TAF1B: variants seen among roughly 807,000 people sequenced by gnomAD.
TAF1B encodes TATA box-binding protein-associated factor RNA polymerase I subunit B.
In TAF1B, 61 loss-of-function variants were observed where a neutral mutation model predicts 83.9. The observed-to-expected ratio is 0.73, with a 90% CI of 0.59 to 0.90. The LOEUF (loss-of-function observed/expected upper bound fraction) is 0.90, where lower values mean the gene tolerates loss of function less well. Ranked by LOEUF, TAF1B falls within the 40% of genes least tolerant of loss-of-function variation. The probability of loss-of-function intolerance (pLI) is 0.00; values close to 1 mark genes in which losing one functional copy is unlikely to be tolerated. For synonymous variants in TAF1B, 221 were observed against 224.6 expected, an observed-to-expected ratio of 0.98 and a Z score of 0.14; for missense variants, 625 against 677.0, an observed-to-expected ratio of 0.92 and a Z score of 0.85.
chr2:9,879,370 T>A (rs1572242610), intron 7 of TAF1B, among the ~76,000 whole-genome samples: 1 of 152,176 alleles, frequency 6.6e-6, no homozygotes, highest in Non-Finnish European at 1.5e-5. Context: ...TGGGTGGCGC[T>A]ACAGCTTGGC....
intron 7 of TAF1B, among the ~76,000 whole-genome samples, chr2:9,881,680 T>C (rs1220580652): frequency 6.6e-6 from 1 of 152,228 alleles, no homozygotes; most frequent in Non-Finnish European, 1.5e-5. Flanking sequence ...CACTGCTGTT[T>C]CCCTGCAGTC....
intron 12 of TAF1B, among the ~76,000 whole-genome samples, chr2:9,916,255 CAA>C (rs1017693828): frequency 1.9e-4 from 29 of 152,248 alleles, no homozygotes; most frequent in Admixed American, 9.2e-4. Flanking sequence ...TGCAGACAGA[CAA>C]GAGAGAAATA....
At chr2:9,850,995 C>T (rs1663369634) in intron 3 of TAF1B, among the ~76,000 whole-genome samples, 1 of 152,194 alleles carries the variant, frequency 6.6e-6, no homozygotes, top group Admixed American at 6.5e-5. Context: ...AATGTTCTTA[C>T]TGCCCTTTTC....
intron 7 of TAF1B, among the ~76,000 whole-genome samples, chr2:9,877,917 G>T (rs1255255071): frequency 6.6e-6 from 1 of 151,568 alleles, no homozygotes; most frequent in African/African-American, 2.4e-5. Flanking sequence ...ATTAAATCTA[G>T]TTAGCTAGGG....
chr2:9,933,603 G>A (rs1322652146), intron 14 of TAF1B, among the ~76,000 whole-genome samples, 180 bp from the exon 15 acceptor site: 1 of 152,134 alleles, frequency 6.6e-6, no homozygotes, highest in Non-Finnish European at 1.5e-5. Context: ...GTGTGAACAT[G>A]TTTTCCTTTG....
intron 6 of TAF1B, among the ~76,000 whole-genome samples, chr2:9,874,147 C>T (rs928204025): frequency 8.5e-5 from 13 of 152,140 alleles, no homozygotes; most frequent in Non-Finnish European, 1.6e-4. Context: ...GCTGGGGAGG[C>T]CTCACAATCT....
intron 6 of TAF1B, chr2:9,868,787 A>G: frequency 2.2e-6 from 1 of 450,544 alleles, no homozygotes; most frequent in Non-Finnish European, 4.5e-6. Flanking sequence ...ATATAGTAAA[A>G]TAGACAAAGA....
At chr2:9,845,441 C>A in intron 2 of TAF1B, 123 bp downstream of exon 2, 1 of 694,258 alleles carries the variant, frequency 1.4e-6, no homozygotes, top group Non-Finnish European at 2.5e-6. Flanking sequence ...GCCAACATTC[C>A]AAGGATGCAT....
intron 12 of TAF1B, among the ~76,000 whole-genome samples, chr2:9,918,026 C>G (rs1665738068): frequency 6.6e-6 from 1 of 151,048 alleles, no homozygotes; most frequent in Admixed American, 6.6e-5. Flanking sequence ...GAGCCGAGAT[C>G]CCACCACTGC....
At position 9,919,606 on chromosome 2, in the gene TAF1B, G is replaced by A; in HGVS notation, c.1351G>A (p.Val451Met). 6.2e-7 allele frequency: 1 copy of A among 1,613,486 alleles called. No individual in the cohort carries two copies. The highest frequency in any genetic ancestry group is 8.5e-7 in the Non-Finnish European group (1 of 1,179,652). The change falls in exon 14 of 15, where the codon GTG (valine) becomes ATG (methionine). Residue 451 changes from valine to methionine, a missense_variant. Transcript: ENST00000263663. ...TTTTTCTCCGGTTCCAGAAATGGTG[G>A]TGAATCTACAGAAACAATTTAGCAC... ...PVAYKKREMV[V>M]NLQKQFSTLV...
intron 5 of TAF1B, among the ~76,000 whole-genome samples, chr2:9,859,537 C>G (rs1663683522): frequency 6.6e-6 from 1 of 152,048 alleles, no homozygotes; most frequent in South Asian, 2.1e-4. Flanking sequence ...TAGATGCATG[C>G]CACCATGCCC....
chr2:9,908,028 C>CTTTTTTTTTTTTTTTTTT (rs57261740), intron 9 of TAF1B, among the ~76,000 whole-genome samples: 1 of 71,754 alleles, frequency 1.4e-5, no homozygotes, highest in Admixed American at 1.9e-4. Flanking sequence ...GATCTTAATT[C>CTTTTTTTTTTTTTTTTTT]TTTTTTTTTT....
intron 3 of TAF1B, among the ~76,000 whole-genome samples, chr2:9,850,025 ATATG>A (rs771191326): frequency 1.8e-3 from 218 of 118,996 alleles, no homozygotes; most frequent in African/African-American, 2.4e-3. Context: ...ATATATATAT[ATATG>A]TGTGTGTGTG....
At chr2:9,862,194 G>GA (rs936464151) in intron 5 of TAF1B, among the ~76,000 whole-genome samples, 37 of 150,970 alleles carry the variant, frequency 2.5e-4, no homozygotes, top group Middle Eastern at 3.4e-3. Context: ...TAAAAACCTT[G>GA]AAAAAAAAAT....
intron 2 of TAF1B, among the ~76,000 whole-genome samples, chr2:9,848,230 C>T (rs1469545): frequency 0.23 from 34,597 of 152,054 alleles, 4,785 homozygotes; most frequent in East Asian, 0.31. Flanking sequence ...AGAGAGACTA[C>T]GTTCCAAAAA....
intron 5 of TAF1B, among the ~76,000 whole-genome samples, chr2:9,864,707 C>T (rs1663906425): frequency 1.3e-5 from 2 of 152,002 alleles, no homozygotes; most frequent in Non-Finnish European, 2.9e-5. Flanking sequence ...ACTGGCAAAC[C>T]GAATCCAGCA....
chr2:9,846,386 A>C (rs1429958832), intron 2 of TAF1B, among the ~76,000 whole-genome samples: 1 of 152,212 alleles, frequency 6.6e-6, no homozygotes, highest in Admixed American at 6.5e-5. Context: ...TGGACAGGCT[A>C]AATGTGCCAG....
intron 8 of TAF1B, among the ~76,000 whole-genome samples, chr2:9,890,523 A>T (rs1664837921): frequency 6.6e-6 from 1 of 152,106 alleles, no homozygotes; most frequent in Admixed American, 6.5e-5. Context: ...GAATATTGTC[A>T]CTAATCTGAT....
chr2:9,925,384 G>T (rs373011584), intron 14 of TAF1B, among the ~76,000 whole-genome samples: 1 of 152,042 alleles, frequency 6.6e-6, no homozygotes, highest in African/African-American at 2.4e-5. Flanking sequence ...AGCTTGCAGT[G>T]AGCCAAGATT....
Sources: allele counts gnomAD v4.1 joint callset (sites outside exome capture counted in the v4.1 genomes callset), GRCh38; gene constraint gnomAD v4.1.1; transcripts MANE v1.5; gene names NCBI Gene and HGNC (gene_info 2026-07-23, HGNC 2026-07-21).